PIKFYVE: variants seen among roughly 807,000 people sequenced by gnomAD.
The protein encoded by PIKFYVE is 1-phosphatidylinositol 3-phosphate 5-kinase.
PIKFYVE carries 122 observed loss-of-function variants against 257.9 expected under a neutral mutation model. The ratio of observed to expected loss-of-function variants is 0.47; its 90% confidence interval spans 0.41 to 0.55. PIKFYVE has a LOEUF of 0.55. Ranked by LOEUF, PIKFYVE falls within the 20% of genes least tolerant of loss-of-function variation. The pLI is 0.00. For synonymous variants in PIKFYVE, 892 were observed against 868.9 expected (o/e 1.03, Z -0.47); for missense variants, 2,160 against 2,536.6 (o/e 0.85, Z 3.19).
Position 208,345,171 on chromosome 2 carries a change from C to T in PIKFYVE, c.5088C>T (p.Ala1696=), listed in dbSNP as rs753209769. Residue 1696 remains alanine (A), a synonymous_variant, in exon 33 of 42, where the codon GCC becomes GCT. Transcript: ENST00000264380. ...CTAAAGCGACTCAGTGGAACAGTGC[C>T]GAAGAAGGGCTTCCAACAAATAGGT... ...ELSKATQWNS[A]EEGLPTNSTS... The T allele has an allele frequency of 2.5e-5, 40 of 1,611,822 alleles. No individual in the cohort carries two copies. Among genetic ancestry groups the T allele is most frequent in the South Asian group, 1.2e-4 (11 of 91,022 alleles).
Position 208,336,094 on chromosome 2 carries a change from C to T in PIKFYVE, c.4414C>T (p.Leu1472Phe), listed in dbSNP as rs1433770685. The change falls in exon 27 of 42, where the codon CTC (leucine) becomes TTC (phenylalanine). Residue 1472 changes from leucine to phenylalanine, a missense_variant. Physicochemically the swap from Leu to Phe is conservative, Grantham distance 22. Transcript: ENST00000264380. ...CTGGATTGAGAAGATGCAAGCAAGG[C>T]TCATGTCTTCCTCTGTAGATACCCC... ...KNWIEKMQARLMSSSVDTPQQ... is the reference protein window; with the variant it reads ...KNWIEKMQARFMSSSVDTPQQ... 6.2e-7 allele frequency: 1 copy of T among 1,614,058 alleles called. No homozygotes were observed. Among genetic ancestry groups the T allele is most frequent in the Non-Finnish European group, 8.5e-7 (1 of 1,179,974 alleles).
At chr2:208,330,791 T>G (rs1697454911) in intron 23 of PIKFYVE, 97 bp downstream of exon 23, 1 of 1,229,792 alleles carries the variant, frequency 8.1e-7, no homozygotes, top group Admixed American at 2.0e-5. Flanking sequence ...GGTACTGGAT[T>G]CGTTATTTGT....
intron 8 of PIKFYVE, among the ~76,000 whole-genome samples, chr2:208,300,012 G>A (rs1240386863): frequency 6.6e-6 from 1 of 152,054 alleles, no homozygotes; most frequent in Non-Finnish European, 1.5e-5. Context: ...GGGCAACATA[G>A]CAAGACCTTG....
rs774528853 is a variant in PIKFYVE, at chr2:208,304,190, C to T, written c.1340C>T (p.Thr447Met). 9 of 1,614,126 alleles carry T rather than the reference C, an allele frequency of 5.6e-6. No homozygotes were observed. Among genetic ancestry groups the T allele is most frequent in the African/African-American group, 2.7e-5 (2 of 75,056 alleles). Residue 447 changes from threonine to methionine, a missense_variant, in exon 11 of 42, where the codon ACG (threonine) becomes ATG (methionine). Coordinates refer to ENST00000264380, the MANE Select transcript of PIKFYVE (RefSeq NM_015040.4). The stretch of plus-strand genomic sequence containing the variant: ...TTTCAGAGTACAGAATTTTCTGAGA[C>T]GCCTTCTCCCGACAGTGACTCAGTG... Reference protein sequence around the residue: ...RPLQSTEFSETPSPDSDSVNS... With the variant: ...RPLQSTEFSEMPSPDSDSVNS...
intron 5 of PIKFYVE, among the ~76,000 whole-genome samples, chr2:208,282,957 A>G (rs1297192763): frequency 2.6e-5 from 4 of 152,226 alleles, no homozygotes; most frequent in South Asian, 4.1e-4. Flanking sequence ...TCACGCTTCT[A>G]TAAGAATCTA....
intron 7 of PIKFYVE, among the ~76,000 whole-genome samples, chr2:208,294,512 T>C (rs1692715872): frequency 6.6e-6 from 1 of 152,198 alleles, no homozygotes; most frequent in Admixed American, 6.5e-5. Flanking sequence ...AAAGGAACTA[T>C]GGTAAATAGG....
At chr2:208,344,611 T>C (rs1699052579) in intron 32 of PIKFYVE, among the ~76,000 whole-genome samples, 1 of 152,058 alleles carries the variant, frequency 6.6e-6, no homozygotes, top group Non-Finnish European at 1.5e-5. Context: ...CATCCTAACA[T>C]GCCTCTCTTG....
chr2:208,303,496 GA>G (rs2125346916), intron 10 of PIKFYVE, among the ~76,000 whole-genome samples: 1 of 152,256 alleles, frequency 6.6e-6, no homozygotes, highest in East Asian at 1.9e-4. Context: ...TAAAGCTAGA[GA>G]AACATGAAGA....
At chr2:208,325,188 A>G (rs893255) in intron 19 of PIKFYVE, 82 bp from the exon 20 acceptor site, 1,514,609 of 1,558,510 alleles carry the variant, frequency 0.97, 737,391 homozygotes, top group Non-Finnish European at 0.98. Flanking sequence ...TTTTACAGAT[A>G]TTAAGAGAGT....
At position 208,335,883 on chromosome 2, in the gene PIKFYVE, T is replaced by C. The variant is rs767137220; in HGVS notation, c.4347T>C (p.Asp1449=). The C allele has an allele frequency of 3.8e-5, 61 of 1,610,268 alleles. No homozygotes were observed. Among genetic ancestry groups the C allele is most frequent in the Non-Finnish European group, 4.9e-5 (58 of 1,177,084 alleles). ...AAACAAGAGAGGAAAAAATGGAAGA[T>C]ATTTTTGCACAGAAAGAGGTAATTT... The part of the protein sequence containing the change: ...FSKTREEKME[D]IFAQKEMEEG... Residue 1449 remains aspartate (D), a synonymous_variant, in exon 26 of 42, where the codon GAT becomes GAC. Coordinates refer to ENST00000264380, the MANE Select transcript of PIKFYVE (RefSeq NM_015040.4).
intron 10 of PIKFYVE, 26 bp downstream of exon 10, chr2:208,302,379 T>A: frequency 6.5e-7 from 1 of 1,546,086 alleles, no homozygotes; most frequent in Non-Finnish European, 8.9e-7. Flanking sequence ...TACTGCCAAT[T>A]AGAATGTAGC....
At chr2:208,318,057 T>G (rs1181542236) in intron 16 of PIKFYVE, 116 bp downstream of exon 16, 1 of 1,087,862 alleles carries the variant, frequency 9.2e-7, no homozygotes, top group African/African-American at 1.5e-5. Context: ...AAGGCAGCTG[T>G]GTCTGCCATA....
intron 19 of PIKFYVE, 84 bp downstream of exon 19, chr2:208,325,121 T>C: frequency 2.5e-6 from 4 of 1,593,400 alleles, no homozygotes; most frequent in Non-Finnish European, 2.6e-6. Context: ...GAAATACCTA[T>C]TAATAGTGGG....
chr2:208,290,233 G>T (rs997796281), intron 7 of PIKFYVE, among the ~76,000 whole-genome samples: 1 of 152,092 alleles, frequency 6.6e-6, no homozygotes, highest in Non-Finnish European at 1.5e-5. Flanking sequence ...TGTATCCTAC[G>T]GAATAGTTCC....
chr2:208,318,555 A>G (rs1695828407), intron 16 of PIKFYVE, among the ~76,000 whole-genome samples: 1 of 152,218 alleles, frequency 6.6e-6, no homozygotes, highest in South Asian at 2.1e-4. Flanking sequence ...ACATACATTG[A>G]GATCACATGT....
intron 15 of PIKFYVE, among the ~76,000 whole-genome samples, chr2:208,315,723 T>A (rs1200685649): frequency 6.6e-6 from 1 of 152,180 alleles, no homozygotes; most frequent in Non-Finnish European, 1.5e-5. Context: ...TAATTTGCTT[T>A]ATTTAGATCA....
At chr2:208,293,897 G>GT (rs986358982) in intron 7 of PIKFYVE, among the ~76,000 whole-genome samples, 3 of 152,012 alleles carry the variant, frequency 2.0e-5, no homozygotes, top group Non-Finnish European at 2.9e-5. Context: ...CCTATGTGTA[G>GT]TTTTTTTGAC....
In PIKFYVE at chr2:208,277,589, A is replaced by T; in HGVS notation, c.494A>T (p.Tyr165Phe). Reference protein sequence around the residue: ...WMPDSQCKECYDCSEKFTTFR... With the variant: ...WMPDSQCKECFDCSEKFTTFR... ...CCAGATAGCCAATGTAAAGAGTGCTATGACTGTAGTGAGAAATTTACAACC... is the reference window on the plus strand; with the variant it reads ...CCAGATAGCCAATGTAAAGAGTGCTTTGACTGTAGTGAGAAATTTACAACC... Residue 165 changes from tyrosine to phenylalanine, a missense_variant, in exon 5 of 42, where the codon TAT (tyrosine) becomes TTT (phenylalanine). Tyr to Phe is a conservative substitution (Grantham distance 22). Coordinates refer to ENST00000264380, the MANE Select transcript of PIKFYVE (RefSeq NM_015040.4). The T allele has an allele frequency of 6.2e-7, 1 of 1,613,930 alleles. No individual in the cohort carries two copies. Among genetic ancestry groups the T allele is most frequent in the Non-Finnish European group, 8.5e-7 (1 of 1,179,790 alleles).
intron 7 of PIKFYVE, among the ~76,000 whole-genome samples, chr2:208,297,366 T>TAAATAACCA (rs1169622239): frequency 6.6e-6 from 1 of 152,182 alleles, no homozygotes; most frequent in African/African-American, 2.4e-5. Context: ...TGCCAAGAAA[T>TAAATAACCA]AAATAACCAA....
Sources: allele counts gnomAD v4.1 joint callset (sites outside exome capture counted in the v4.1 genomes callset), GRCh38; gene constraint gnomAD v4.1.1; transcripts MANE v1.5; gene names NCBI Gene and HGNC (gene_info 2026-07-23, HGNC 2026-07-21).